The following N4BP2L2 variants were observed in gnomAD, a reference collection of about 807,000 sequenced individuals.
N4BP2L2 encodes NEDD4-binding protein 2-like 2.
In N4BP2L2, 50 loss-of-function variants were observed where a neutral mutation model predicts 56.2. That is an observed-to-expected ratio of 0.89 (90% confidence interval 0.71 to 1.13). The LOEUF (loss-of-function observed/expected upper bound fraction) is 1.13, where lower values mean the gene tolerates loss of function less well. N4BP2L2 is among the 50% of genes most tolerant of loss of function. N4BP2L2 has a pLI of 0.00. For synonymous variants in N4BP2L2, 203 were observed against 223.6 expected (o/e 0.91, Z 0.82); for missense variants, 689 against 693.8 (o/e 0.99, Z 0.08).
At chr13:32,511,616 T>C (rs771456143) in exon 6 of N4BP2L2, 2 of 152,130 alleles carry the variant, frequency 1.3e-5, no homozygotes, top group Non-Finnish European at 2.9e-5. Context: ...AGCTGTGGTG[T>C]ATAAGTTTAA....
chr13:32,441,947 G>C (rs1004071232), intron 7 of N4BP2L2, among the ~76,000 whole-genome samples: 3 of 150,946 alleles, frequency 2.0e-5, no homozygotes, highest in African/African-American at 7.3e-5. Context: ...GTGGTGGCGG[G>C]CGCCTGTAGT....
exon 6 of N4BP2L2, chr13:32,517,158 TGAG>T: frequency 8.1e-6 from 8 of 985,332 alleles, no homozygotes; most frequent in Non-Finnish European, 8.4e-6. Context: ...GGAGATGGGT[TGAG>T]AAGGAGGATG....
At chr13:32,493,961 C>T (rs931724011) in intron 6 of N4BP2L2, among the ~76,000 whole-genome samples, 1 of 152,096 alleles carries the variant, frequency 6.6e-6, no homozygotes, top group South Asian at 2.1e-4. Context: ...CTTTGGATTT[C>T]GCTTTCCTCA....
intron 6 of N4BP2L2, among the ~76,000 whole-genome samples, chr13:32,469,823 T>C (rs1036160312): frequency 1.3e-5 from 2 of 152,196 alleles, no homozygotes; most frequent in African/African-American, 4.8e-5. Flanking sequence ...GATGTTACTG[T>C]ACAGCCCAGT....
At chr13:32,536,125 T>C (rs777306377) in exon 2 of N4BP2L2, 3 of 1,614,034 alleles carry the variant, frequency 1.9e-6, no homozygotes, top group African/African-American at 1.3e-5. Flanking sequence ...AAATATTTGA[T>C]GGTGGATTTG....
chr13:32,443,770 T>G (rs2076650240), exon 7 of N4BP2L2: 3 of 1,579,344 alleles, frequency 1.9e-6, no homozygotes, highest in Non-Finnish European at 2.6e-6. Context: ...GTTATCACCT[T>G]CCTTAGAGAG....
chr13:32,525,314 T>A (rs1463845823), intron 3 of N4BP2L2: 1 of 152,180 alleles, frequency 6.6e-6, no homozygotes, highest in East Asian at 1.9e-4. Flanking sequence ...CACCCTCTAA[T>A]ATATTTGGAG....
chr13:32,516,782 G>A (rs960726844), exon 6 of N4BP2L2: 5 of 378,918 alleles, frequency 1.3e-5, no homozygotes, highest in African/African-American at 8.8e-5. Flanking sequence ...GGTATTAAGA[G>A]AAGTAGTAGT....
chr13:32,496,129 G>A (rs1434311201), intron 6 of N4BP2L2, among the ~76,000 whole-genome samples: 2 of 152,130 alleles, frequency 1.3e-5, no homozygotes, highest in African/African-American at 4.8e-5. Context: ...GGCAGACTGG[G>A]CCACCACACC....
intron 6 of N4BP2L2, among the ~76,000 whole-genome samples, chr13:32,485,133 C>A (rs1447110875): frequency 6.6e-6 from 1 of 152,200 alleles, no homozygotes; most frequent in Non-Finnish European, 1.5e-5. Context: ...TTTATTCTCA[C>A]CTTCCTTGTT....
chr13:32,497,507 T>C lies in N4BP2L2; in HGVS notation c.365+20350A>G, dbSNP rs1325739648. On this transcript the variant is annotated intron_variant, in intron 6 of 9. Transcript: ENST00000357505. ...TCACATCACCCTGAGACATGCTCCA[T>C]TCCAAATCCTTTGTAACCCTCTGGC... Among the ~76,000 whole-genome samples the C allele has an allele frequency of 2.6e-5, 4 of 152,214 alleles. No individual in the cohort carries two copies. The East Asian group carries it at 7.7e-4, about 29-fold the overall frequency.
intron 6 of N4BP2L2, among the ~76,000 whole-genome samples, chr13:32,486,692 T>C (rs2085941701): frequency 6.8e-6 from 1 of 148,052 alleles, no homozygotes; most frequent in African/African-American, 2.5e-5. Context: ...ATAATAATAA[T>C]AATAACATAA....
intron 6 of N4BP2L2, among the ~76,000 whole-genome samples, chr13:32,468,078 C>G (rs1358899325): frequency 6.6e-6 from 1 of 152,044 alleles, no homozygotes; most frequent in Non-Finnish European, 1.5e-5. Context: ...AAATGTCAAA[C>G]AGGCAATGAG....
chr13:32,442,403 G>A (rs1252771947), exon 7 of N4BP2L2: 1 of 1,591,558 alleles, frequency 6.3e-7, no homozygotes, highest in Non-Finnish European at 8.5e-7. Flanking sequence ...GGAACGCCTG[G>A]AGATCCAAAA....
chr13:32,515,593 TAGTC>T (rs1376126056), exon 6 of N4BP2L2: 2 of 152,278 alleles, frequency 1.3e-5, no homozygotes, highest in East Asian at 3.9e-4. Flanking sequence ...TATTATTTAG[TAGTC>T]AGAACTAGGA....
intron 6 of N4BP2L2, among the ~76,000 whole-genome samples, chr13:32,491,813 G>C (rs964170420): frequency 3.3e-5 from 5 of 151,534 alleles, no homozygotes; most frequent in Admixed American, 6.6e-5. Flanking sequence ...TTGTATGTTA[G>C]TACAGACGGG....
intron 7 of N4BP2L2, chr13:32,442,296 T>G: frequency 4.6e-4 from 505 of 1,095,664 alleles, no homozygotes; most frequent in Middle Eastern, 7.6e-4. Flanking sequence ...ATAAACTGCA[T>G]GAGATCACTA....
rs894722689 is a variant in N4BP2L2 at position 32,521,341 on chromosome 13, T to G, written c.1550+32A>C. ...GAATTCACAAAAGAAAGAAGAAAAG[T>G]TAAGGATTCAATAAAAATTCGAGTG... On this transcript the variant is annotated intron_variant, in intron 5 of 5. Coordinates refer to ENST00000267068, the Ensembl canonical transcript of N4BP2L2. The G allele has an allele frequency of 3.5e-6, 5 of 1,442,506 alleles. No individual in the cohort carries two copies. The Admixed American group carries it at 7.1e-5, about 20-fold the overall frequency. 89.4% of individuals were successfully genotyped at this position (1,442,506 alleles called of 1,614,324 possible). A position where few individuals can be genotyped will look rare whatever the true frequency, so the allele number is the denominator to read the frequency against.
At chr13:32,510,244 G>C (rs952532452), downstream of N4BP2L2, 10 of 152,004 alleles carry the variant, frequency 6.6e-5, no homozygotes, top group African/African-American at 2.4e-4. Context: ...CTTATTTTAG[G>C]AAATACTGCC....
Sources: allele counts gnomAD v4.1 joint callset (sites outside exome capture counted in the v4.1 genomes callset), GRCh38; gene constraint gnomAD v4.1.1; transcripts MANE v1.5; gene names NCBI Gene and HGNC (gene_info 2026-07-23, HGNC 2026-07-21).